DEK: variants seen among roughly 807,000 people sequenced by gnomAD.
DEK encodes protein DEK.
In DEK, 28 loss-of-function variants were observed where a neutral mutation model predicts 46.8. The observed-to-expected ratio is 0.60, with a 90% confidence interval of 0.44 to 0.82. The LOEUF (loss-of-function observed/expected upper bound fraction) is 0.82. DEK is among the 40% of genes least tolerant of loss of function. DEK has a pLI of 0.00. For synonymous variants in DEK, 160 were observed against 144.5 expected (o/e 1.11, Z -0.77); for missense variants, 416 against 430.6 (o/e 0.97, Z 0.30).
chr6:18,259,820 T>C (rs559884525), intron 2 of DEK, among the ~76,000 whole-genome samples: 1 of 152,310 alleles, frequency 6.6e-6, no homozygotes, highest in African/African-American at 2.4e-5. Flanking sequence ...GATTTAGTAA[T>C]GTAAGGATTC....
At chr6:18,251,379 G>A (rs750989588) in intron 6 of DEK, among the ~76,000 whole-genome samples, 14 of 152,260 alleles carry the variant, frequency 9.2e-5, no homozygotes, top group South Asian at 8.3e-4. Context: ...CAGTCTAGGG[G>A]TCACTGTCAC....
intron 7 of DEK, among the ~76,000 whole-genome samples, chr6:18,249,103 A>G (rs541042997): frequency 3.9e-5 from 6 of 152,170 alleles, no homozygotes; most frequent in Non-Finnish European, 8.8e-5. Flanking sequence ...TTTGGAAACT[A>G]AGAGTCTCAA....
rs1347868793 is a variant in DEK, at chr6:18,231,649, T to TCC, written c.1047+4801_1047+4802dup. ...GATAAATTCCTGGACACATACACCCTCCCAAGACTAAACCAGGAAGAAGTT... is the reference window on the plus strand; with the variant it reads ...GATAAATTCCTGGACACATACACCCTCCCCCAAGACTAAACCAGGAAGAAGTT... On this transcript the variant is annotated intron_variant, in intron 9 of 10. Coordinates refer to ENST00000652689, the MANE Select transcript of DEK (RefSeq NM_003472.4). Among the ~76,000 whole-genome samples, 9 of 152,188 alleles carry TCC rather than the reference T, an allele frequency of 5.9e-5. No individual in the cohort carries two copies. In the East Asian group the frequency reaches 1.7e-3, roughly 29 times the overall value.
At chr6:18,252,157 T>G in intron 6 of DEK, among the ~76,000 whole-genome samples, 1 of 152,122 alleles carries the variant, frequency 6.6e-6, no homozygotes, top group Non-Finnish European at 1.5e-5. Flanking sequence ...TAATGTTGTG[T>G]TGATTAAACC....
rs1790007752 is a variant in DEK at position 18,224,189 on chromosome 6, A to T, written c.*1530T>A. On this transcript the variant is annotated 3_prime_UTR_variant, in exon 11 of 11. Coordinates refer to ENST00000652689, the MANE Select transcript of DEK (RefSeq NM_003472.4). Reference sequence around the variant, plus strand: ...GTGACTTAAAACACCAGTGATTTAGATTTATTTTTATTGACAAGGTTTATA... The same window carrying T: ...GTGACTTAAAACACCAGTGATTTAGTTTTATTTTTATTGACAAGGTTTATA... 5.7e-6 allele frequency: 1 copy of T among 175,252 alleles called. No homozygotes were observed. Among genetic ancestry groups the T allele is most frequent in the Non-Finnish European group, 1.2e-5 (1 of 81,006 alleles). The allele number at this position is 175,252 out of a possible 1,614,324, so 10.9% of individuals were successfully genotyped here.
At chr6:18,231,275 T>A (rs1790401381) in intron 9 of DEK, among the ~76,000 whole-genome samples, 1 of 152,050 alleles carries the variant, frequency 6.6e-6, no homozygotes, top group Admixed American at 6.5e-5. Context: ...AGGAAAGATC[T>A]AAAATTGACA....
At chr6:18,236,992 C>T in intron 8 of DEK, 1 of 189,424 alleles carries the variant, frequency 5.3e-6, no homozygotes, top group Non-Finnish European at 1.1e-5. Context: ...TCTGGGGGGC[C>T]AAGATAGGAG....
chr6:18,237,179 C>G (rs1790690755), intron 8 of DEK: 2 of 453,884 alleles, frequency 4.4e-6, no homozygotes, highest in East Asian at 7.5e-5. Context: ...CTCTCTGTCT[C>G]TCTCTCTATA....
At chr6:18,260,425 G>A (rs1353874663) in intron 2 of DEK, among the ~76,000 whole-genome samples, 5 of 152,146 alleles carry the variant, frequency 3.3e-5, no homozygotes, top group African/African-American at 1.2e-4. Context: ...TGTCCTACAG[G>A]CACCTAAACT....
Position 18,255,906 on chromosome 6 carries a change from T to C in DEK, c.453-55A>G, listed in dbSNP as rs1190431225. On this transcript the variant is annotated intron_variant, in intron 5 of 10. Coordinates refer to ENST00000652689, the MANE Select transcript of DEK (RefSeq NM_003472.4). The stretch of plus-strand genomic sequence containing the variant: ...GTTAATATAGGAAAGCTTACATATG[T>C]TCTCCACAATATAAAGGGAAAGCCA... 3.2e-6 allele frequency: 5 copies of C among 1,552,392 alleles called. No individual in the cohort carries two copies. The Admixed American group carries it at 8.6e-5, about 27-fold the overall frequency.
intron 9 of DEK, among the ~76,000 whole-genome samples, chr6:18,229,718 C>T (rs761176818): frequency 2.0e-4 from 31 of 152,092 alleles, no homozygotes; most frequent in Non-Finnish European, 2.9e-4. Flanking sequence ...CCAAGAAACA[C>T]GGGACTATGT....
At chr6:18,253,106 T>G (rs1363763622) in intron 6 of DEK, among the ~76,000 whole-genome samples, 1 of 151,302 alleles carries the variant, frequency 6.6e-6, no homozygotes, top group Non-Finnish European at 1.5e-5. Context: ...ACCCCACATT[T>G]TTTTTTTTTT....
chr6:18,240,287 G>C, intron 7 of DEK, among the ~76,000 whole-genome samples: 1 of 152,182 alleles, frequency 6.6e-6, no homozygotes, highest in East Asian at 1.9e-4. Flanking sequence ...ATGTTCTACA[G>C]TTTTTCTAAA....
intron 7 of DEK, among the ~76,000 whole-genome samples, chr6:18,243,623 T>G: frequency 6.6e-6 from 1 of 152,214 alleles, no homozygotes. Flanking sequence ...GAATTGGTAG[T>G]ACTTCCACTT....
chr6:18,230,470 T>G (rs1446620661), intron 9 of DEK, among the ~76,000 whole-genome samples: 1 of 152,126 alleles, frequency 6.6e-6, no homozygotes. Flanking sequence ...CAGTGTGCTG[T>G]ATTCAGGAGA....
intron 9 of DEK, among the ~76,000 whole-genome samples, chr6:18,226,662 C>A (rs568166971): frequency 6.2e-4 from 94 of 152,170 alleles, no homozygotes; most frequent in Non-Finnish European, 1.1e-3. Flanking sequence ...TGCCTGTAAT[C>A]CCAGCTACTG....
intron 2 of DEK, among the ~76,000 whole-genome samples, chr6:18,259,702 C>T (rs976678204): frequency 3.9e-5 from 6 of 152,026 alleles, no homozygotes; most frequent in Non-Finnish European, 8.8e-5. Flanking sequence ...AACAAAACAT[C>T]TTAAGAAAGA....
chr6:18,257,111 C>A (rs1403423505), intron 4 of DEK, among the ~76,000 whole-genome samples: 1 of 152,110 alleles, frequency 6.6e-6, no homozygotes, highest in Non-Finnish European at 1.5e-5. Flanking sequence ...TAATAACAAT[C>A]CTTTAGCAAA....
chr6:18,260,687 G>C (rs950481165), intron 2 of DEK, among the ~76,000 whole-genome samples: 1 of 151,996 alleles, frequency 6.6e-6, no homozygotes, highest in Admixed American at 6.5e-5. Context: ...CCTCCTGCAG[G>C]GGTGGAACTC....
Sources: allele counts gnomAD v4.1 joint callset (sites outside exome capture counted in the v4.1 genomes callset), GRCh38; gene constraint gnomAD v4.1.1; transcripts MANE v1.5; gene names NCBI Gene and HGNC (gene_info 2026-07-23, HGNC 2026-07-21).